CTNNBL1: variants seen among roughly 807,000 people sequenced by gnomAD.
CTNNBL1 encodes the protein beta-catenin-like protein 1.
A neutral mutation model predicts 72.7 loss-of-function variants in CTNNBL1; 31 were observed. The observed-to-expected ratio is 0.43, with a 90% confidence interval of 0.32 to 0.58. The LOEUF (loss-of-function observed/expected upper bound fraction) is 0.58, where lower values mean the gene tolerates loss of function less well. Among genes scored for constraint, CTNNBL1 ranks in the 20% least tolerant of loss-of-function variants. The pLI is 0.08. For synonymous variants in CTNNBL1, 240 were observed against 267.3 expected (o/e 0.90, Z 1.00); for missense variants, 534 against 725.1 (o/e 0.74, Z 3.03).
At chr20:37,759,360 G>T (rs147701654) in intron 5 of CTNNBL1, among the ~76,000 whole-genome samples, 67 of 152,116 alleles carry the variant, frequency 4.4e-4, no homozygotes, top group African/African-American at 1.6e-3. Context: ...TTGGTCCCTG[G>T]GCTGATTTTA....
At position 37,846,357 on chromosome 20, in the gene CTNNBL1, G is replaced by A. The variant is rs147388138; in HGVS notation, c.1392+3938G>A. Among the ~76,000 whole-genome samples the A allele has an allele frequency of 3.9e-3, 601 of 152,238 alleles. 4 individuals are homozygous for A. The highest frequency in any genetic ancestry group is 0.014 in the African/African-American group (575 of 41,502). On this transcript the variant is annotated intron_variant, in intron 13 of 15. Transcript: ENST00000361383. ...GAGTGGAGGGTGTGAGAGGAAGAGC[G>A]TGGGCTTTATAGCCAGGCTTTATCC...
intron 13 of CTNNBL1, among the ~76,000 whole-genome samples, chr20:37,855,254 G>A (rs767696473): frequency 7.9e-5 from 12 of 151,710 alleles, no homozygotes; most frequent in Non-Finnish European, 1.6e-4. Context: ...TTTTCAGCCT[G>A]TCAAACTCCT....
At chr20:37,785,646 G>T (rs964196556) in intron 10 of CTNNBL1, among the ~76,000 whole-genome samples, 2 of 151,992 alleles carry the variant, frequency 1.3e-5, no homozygotes, top group African/African-American at 2.4e-5. Context: ...CGTTCCTTCT[G>T]TGTTATCTCA....
chr20:37,723,964 C>T (rs974896956), intron 1 of CTNNBL1, among the ~76,000 whole-genome samples: 1 of 152,164 alleles, frequency 6.6e-6, no homozygotes, highest in African/African-American at 2.4e-5. Context: ...AATGTGCAGC[C>T]AGTAAAGTCA....
At chr20:37,745,008 A>G (rs747641527) in intron 3 of CTNNBL1, among the ~76,000 whole-genome samples, 16 of 152,216 alleles carry the variant, frequency 1.1e-4, no homozygotes, top group African/African-American at 3.9e-4. Context: ...AGTATTATCA[A>G]TGGTTATTTT....
chr20:37,814,183 A>T lies in CTNNBL1; in HGVS notation c.1213+11135A>T, dbSNP rs6021091. Reference sequence around the variant, plus strand: ...CCAAAAACTGAATCACAAGCAGTGCACTTCTGCTTTTGGTTTGTTTTGGTT... The same window carrying T: ...CCAAAAACTGAATCACAAGCAGTGCTCTTCTGCTTTTGGTTTGTTTTGGTT... On this transcript the variant is annotated intron_variant, in intron 11 of 15. Transcript: ENST00000361383. 3.0e-3 allele frequency among the ~76,000 whole-genome samples: 464 copies of T among 152,264 alleles called. 5 individuals are homozygous for T. The highest frequency in any genetic ancestry group is 0.01 in the African/African-American group (416 of 41,554).
intron 15 of CTNNBL1, among the ~76,000 whole-genome samples, 174 bp from the exon 16 acceptor site, chr20:37,871,751 G>A (rs1291879435): frequency 2.0e-5 from 3 of 152,110 alleles, no homozygotes; most frequent in African/African-American, 7.2e-5. Context: ...GGTAAGTTGG[G>A]ACCTTTCCAC....
chr20:37,700,343 G>A (rs1435149735), intron 1 of CTNNBL1, among the ~76,000 whole-genome samples: 1 of 152,092 alleles, frequency 6.6e-6, no homozygotes, highest in African/African-American at 2.4e-5. Context: ...GTCAAGAAAT[G>A]TTTATTAAAA....
At chr20:37,845,043 C>T (rs916851299) in intron 13 of CTNNBL1, among the ~76,000 whole-genome samples, 1 of 152,302 alleles carries the variant, frequency 6.6e-6, no homozygotes, top group Non-Finnish European at 1.5e-5. Context: ...AAGCTCCCGC[C>T]GCTGCTGCTG....
intron 3 of CTNNBL1, among the ~76,000 whole-genome samples, chr20:37,738,327 G>A (rs1485811142): frequency 6.6e-6 from 1 of 152,230 alleles, no homozygotes; most frequent in African/African-American, 2.4e-5. Context: ...GGAGAATAAT[G>A]TAAGTGTTTA....
intron 1 of CTNNBL1, among the ~76,000 whole-genome samples, chr20:37,721,653 A>G (rs1199215346): frequency 2.6e-5 from 4 of 151,970 alleles, no homozygotes; most frequent in African/African-American, 9.7e-5. Context: ...TTCATCACAT[A>G]CTCCTCTCTA....
intron 4 of CTNNBL1, chr20:37,750,191 C>T (rs2073305831): frequency 6.6e-6 from 1 of 152,222 alleles, no homozygotes; most frequent in African/African-American, 2.4e-5. Context: ...TATTCTGGCG[C>T]TCTGCATCAC....
chr20:37,830,586 C>T (rs576183963), intron 11 of CTNNBL1, among the ~76,000 whole-genome samples: 3 of 152,240 alleles, frequency 2.0e-5, no homozygotes, highest in African/African-American at 7.2e-5. Flanking sequence ...TCTATTCTCC[C>T]ACTTCCACCT....
chr20:37,864,372 A>G (rs926912917), intron 15 of CTNNBL1, among the ~76,000 whole-genome samples: 12 of 152,064 alleles, frequency 7.9e-5, no homozygotes, highest in Non-Finnish European at 1.5e-4. Context: ...TGGCCTACAT[A>G]TTTCCTAAGT....
chr20:37,768,434 T>C (rs1293178096), intron 7 of CTNNBL1, among the ~76,000 whole-genome samples: 1 of 152,218 alleles, frequency 6.6e-6, no homozygotes, highest in Non-Finnish European at 1.5e-5. Context: ...TAATATTTTC[T>C]TATGCAAGTT....
At chr20:37,814,347 A>G (rs190811271) in intron 11 of CTNNBL1, among the ~76,000 whole-genome samples, 3 of 152,112 alleles carry the variant, frequency 2.0e-5, no homozygotes, top group Admixed American at 6.5e-5. Context: ...CTCAATCCCA[A>G]ACATTTCTCC....
chr20:37,838,024 G>A (rs1421398401), intron 11 of CTNNBL1, among the ~76,000 whole-genome samples: 5 of 152,222 alleles, frequency 3.3e-5, no homozygotes, highest in African/African-American at 4.8e-5. Context: ...TTTTTCAATA[G>A]GGTGGTCAAA....
chr20:37,800,810 C>T (rs1279415173), intron 10 of CTNNBL1, among the ~76,000 whole-genome samples: 2 of 152,212 alleles, frequency 1.3e-5, no homozygotes, highest in Admixed American at 1.3e-4. Flanking sequence ...TAGGAACACT[C>T]TGCTCCTTGG....
At chr20:37,802,776 A>G in intron 10 of CTNNBL1, 91 bp from the exon 11 acceptor site, 1 of 1,010,674 alleles carries the variant, frequency 9.9e-7, no homozygotes, top group Non-Finnish European at 1.5e-6. Flanking sequence ...ATTTAGATGT[A>G]TAATGTGTAC....
Sources: gnomAD v4.1 joint callset for allele counts (sites outside exome capture counted in the v4.1 genomes callset) on GRCh38, gnomAD v4.1.1 for gene constraint, MANE v1.5 for transcripts, NCBI Gene and HGNC (gene_info 2026-07-23, HGNC 2026-07-21) for gene names.